HAUS8: variants seen among roughly 807,000 people sequenced by gnomAD.
HAUS8 encodes the protein HAUS augmin-like complex subunit 8.
In HAUS8, 38 loss-of-function variants were observed where a neutral mutation model predicts 42.9. The ratio of observed to expected loss-of-function variants is 0.89; its 90% confidence interval spans 0.68 to 1.16. The LOEUF (loss-of-function observed/expected upper bound fraction) is 1.16, where lower values mean the gene tolerates loss of function less well. Among genes scored for constraint, HAUS8 ranks in the 50% most tolerant of loss-of-function variants. HAUS8 has a pLI of 0.00. For synonymous variants in HAUS8, 199 were observed against 205.8 expected, an observed-to-expected ratio of 0.97 and a Z score of 0.28; for missense variants, 494 against 511.6, an observed-to-expected ratio of 0.97 and a Z score of 0.33.
chr19:17,052,769 C>G, intron 10 of HAUS8, 56 bp downstream of exon 10: 1 of 1,602,808 alleles, frequency 6.2e-7, no homozygotes, highest in Non-Finnish European at 8.5e-7. Flanking sequence ...GTGCAGCCAC[C>G]AACAGCCCTG....
In HAUS8 at chr19:17,075,448, G is replaced by T. The variant is rs200756286; in HGVS notation, c.-26C>A. The T allele has an allele frequency of 2.5e-6, 4 of 1,612,950 alleles. No individual in the cohort carries two copies. Among genetic ancestry groups the T allele is most frequent in the African/African-American group, 1.3e-5 (1 of 74,930 alleles). On this transcript the variant is annotated 5_prime_UTR_variant, in exon 1 of 11. Transcript: ENST00000253669. ...TTTCCCGCCTTCCACCTCAAGGCCC[G>T]ACCCGCCGGCTTTTCAAAGCCGGAC...
Position 17,062,763 on chromosome 19 carries a change from C to T in HAUS8, c.164G>A (p.Gly55Glu). ...KTTQKAPAGD[G>E]SQTRGKMSEG... ...AGACATCTTCCCTCGGGTCTGTGAC[C>T]CATCTCCTGCAGGAGCCTGTTATGG... Residue 55 changes from glycine to glutamate, a missense_variant, in exon 4 of 11, where the codon GGG (glycine) becomes GAG (glutamate). Coordinates refer to ENST00000253669, the MANE Select transcript of HAUS8 (RefSeq NM_033417.2). 6.2e-7 allele frequency: 1 copy of T among 1,613,900 alleles called. No homozygotes were observed. The highest frequency in any genetic ancestry group is 8.5e-7 in the Non-Finnish European group (1 of 1,179,776).
chr19:17,070,554 CCT>C (rs1282274430), intron 2 of HAUS8, among the ~76,000 whole-genome samples: 1 of 152,202 alleles, frequency 6.6e-6, no homozygotes, highest in African/African-American at 2.4e-5. Flanking sequence ...CAGGCACCTC[CCT>C]CTCTCAAGGC....
chr19:17,067,220 A>G (rs1411505277), intron 3 of HAUS8, among the ~76,000 whole-genome samples: 4 of 150,944 alleles, frequency 2.6e-5, no homozygotes, highest in Admixed American at 2.0e-4. Flanking sequence ...AAAAAAAAAA[A>G]GGAAGGAAGC....
intron 1 of HAUS8, chr19:17,074,075 T>A: frequency 6.6e-6 from 1 of 152,012 alleles, no homozygotes; most frequent in East Asian, 1.9e-4. Context: ...GAAGGGACCC[T>A]GAGATAGGAA....
At chr19:17,050,324 G>GA in intron 10 of HAUS8, 148 bp from the exon 11 acceptor site, 1 of 473,218 alleles carries the variant, frequency 2.1e-6, no homozygotes, top group South Asian at 6.3e-5. Context: ...AGATCCGTCT[G>GA]AAAAGACTCA....
At chr19:17,071,972 C>T (rs1377480560) in intron 2 of HAUS8, among the ~76,000 whole-genome samples, 2 of 151,974 alleles carry the variant, frequency 1.3e-5, no homozygotes, top group South Asian at 2.1e-4. Flanking sequence ...GGTGACAGAG[C>T]GAGACTCCAT....
At chr19:17,070,022 T>A (rs1359060040) in intron 2 of HAUS8, among the ~76,000 whole-genome samples, 4 of 152,020 alleles carry the variant, frequency 2.6e-5, no homozygotes, top group Non-Finnish European at 4.4e-5. Flanking sequence ...CCTCCCTGCC[T>A]GAATCCCCAC....
At chr19:17,054,754 T>C (rs1267741668) in intron 9 of HAUS8, among the ~76,000 whole-genome samples, 11 of 151,256 alleles carry the variant, frequency 7.3e-5, no homozygotes, top group East Asian at 2.0e-4. Context: ...AGAGCCAGGA[T>C]TGCACCATTG....
At chr19:17,062,924 A>G (rs945734845) in intron 3 of HAUS8, 145 bp from the exon 4 acceptor site, 4 of 629,620 alleles carry the variant, frequency 6.4e-6, no homozygotes, top group South Asian at 3.8e-5. Context: ...CTTACCTCAT[A>G]TACACAGGAC....
intron 2 of HAUS8, 77 bp downstream of exon 2, chr19:17,073,197 C>G (rs1454792316): frequency 1.5e-6 from 2 of 1,309,588 alleles, no homozygotes; most frequent in East Asian, 4.6e-5. Context: ...CTTCTCTGGC[C>G]TGTTTTTTTC....
chr19:17,067,543 C>T (rs2057394205), intron 3 of HAUS8, among the ~76,000 whole-genome samples: 1 of 152,000 alleles, frequency 6.6e-6, no homozygotes, highest in Admixed American at 6.6e-5. Flanking sequence ...GTAAATGACA[C>T]CCTGATTTTT....
In HAUS8 at chr19:17,066,373, GCCA is replaced by G. The variant is rs376442322; in HGVS notation, c.147+2655_147+2657del. On this transcript the variant is annotated intron_variant, in intron 3 of 10. Coordinates refer to ENST00000253669, the MANE Select transcript of HAUS8 (RefSeq NM_033417.2). ...CAAATTGCTGGGATTTCAGGCATGAGCCACCACACTTGGCTCCATCTGTATCCT... is the reference window on the plus strand; with the variant it reads ...CAAATTGCTGGGATTTCAGGCATGAGCCACACTTGGCTCCATCTGTATCCT... Among the ~76,000 whole-genome samples, 574 of 152,310 alleles carry G rather than the reference GCCA, an allele frequency of 3.8e-3. 1 individual carries two copies. Among genetic ancestry groups the G allele is most frequent in the African/African-American group, 0.013 (542 of 41,566 alleles).
chr19:17,055,131 A>AT (rs2057312772), intron 9 of HAUS8: 1 of 36,234 alleles, frequency 2.8e-5, no homozygotes, highest in Non-Finnish European at 4.8e-5. Context: ...AAAAAAAAAA[A>AT]AAAAAAAAAA....
At chr19:17,062,229 G>A (rs1054559691) in intron 4 of HAUS8, among the ~76,000 whole-genome samples, 2 of 152,106 alleles carry the variant, frequency 1.3e-5, no homozygotes, top group African/African-American at 4.8e-5. Context: ...CAAGCGATTC[G>A]CCTGCCTCAG....
intron 9 of HAUS8, chr19:17,055,155 T>A (rs4030878): frequency 0.012 from 125 of 10,726 alleles, 5 homozygotes; most frequent in Admixed American, 0.017. Flanking sequence ...TATATATATA[T>A]ATATATATAT....
At chr19:17,062,607 GAA>G in intron 4 of HAUS8, 89 bp downstream of exon 4, 1 of 952,390 alleles carries the variant, frequency 1.0e-6, no homozygotes, top group South Asian at 1.3e-5. Context: ...ACCCTTCCCA[GAA>G]AGGAAAGAAG....
intron 1 of HAUS8, 66 bp from the exon 2 acceptor site, chr19:17,073,401 G>A: frequency 1.4e-6 from 2 of 1,461,028 alleles, no homozygotes; most frequent in Non-Finnish European, 9.6e-7. Context: ...AGCCGGCGAG[G>A]TGCCTCTGCT....
rs181228764 is a variant in HAUS8, at chr19:17,070,800, T to G, written c.92-1714A>C. Among the ~76,000 whole-genome samples, 1,387 of 152,338 alleles carry G rather than the reference T, an allele frequency of 9.1e-3. 14 individuals carry two copies. The highest frequency in any genetic ancestry group is 0.027 in the Middle Eastern group (8 of 294). On this transcript the variant is annotated intron_variant, in intron 2 of 10. Transcript: ENST00000253669. The stretch of plus-strand genomic sequence containing the variant: ...ATGAATGATTCTAGGCCAGGCGTAG[T>G]GGCTCACGCCTGTAATCCCAGCACT...
Sources: gnomAD v4.1 joint callset for allele counts (sites outside exome capture counted in the v4.1 genomes callset) on GRCh38, gnomAD v4.1.1 for gene constraint, MANE v1.5 for transcripts, NCBI Gene and HGNC (gene_info 2026-07-23, HGNC 2026-07-21) for gene names.